PKNOX1: variants seen among roughly 807,000 people sequenced by gnomAD.
PKNOX1 encodes the protein homeobox protein PKNOX1.
PKNOX1 carries 15 observed loss-of-function variants against 51.9 expected under a neutral mutation model. The ratio of observed to expected loss-of-function variants is 0.29; its 90% CI spans 0.19 to 0.45. PKNOX1 has a LOEUF of 0.45. Among genes scored for constraint, PKNOX1 ranks in the 20% least tolerant of loss-of-function variants. The pLI is 1.00. For synonymous variants in PKNOX1, 219 were observed against 211.1 expected (o/e 1.04, Z -0.32); for missense variants, 462 against 547.5 (o/e 0.84, Z 1.56).
chr21:43,020,230 G>A (rs1212282952), intron 7 of PKNOX1, among the ~76,000 whole-genome samples: 3 of 152,222 alleles, frequency 2.0e-5, no homozygotes, highest in Admixed American at 6.5e-5. Flanking sequence ...ACTGTGCCTG[G>A]ACTAAAGTTA....
chr21:43,009,343 G>A (rs1601291218), intron 3 of PKNOX1, among the ~76,000 whole-genome samples: 1 of 152,184 alleles, frequency 6.6e-6, no homozygotes, highest in African/African-American at 2.4e-5. Flanking sequence ...TACTTGGGAG[G>A]CTGAGGCAGG....
At chr21:43,015,997 G>A (rs1979473599) in intron 5 of PKNOX1, among the ~76,000 whole-genome samples, 1 of 152,148 alleles carries the variant, frequency 6.6e-6, no homozygotes, top group Non-Finnish European at 1.5e-5. Context: ...ATCTTAAGGT[G>A]GAAGCTGGGA....
intron 1 of PKNOX1, among the ~76,000 whole-genome samples, chr21:42,981,519 C>T (rs1319905485): frequency 6.6e-6 from 1 of 152,170 alleles, no homozygotes; most frequent in Non-Finnish European, 1.5e-5. Context: ...GAGAAGGGGA[C>T]AGAGCAGCTT....
At chr21:42,995,254 A>G (rs1382647089) in intron 1 of PKNOX1, among the ~76,000 whole-genome samples, 2 of 151,992 alleles carry the variant, frequency 1.3e-5, no homozygotes, top group Admixed American at 6.6e-5. Context: ...TTCTTTATAG[A>G]GTGCCTCTCA....
chr21:43,026,588 C>A (rs892366137), intron 9 of PKNOX1, among the ~76,000 whole-genome samples: 2 of 152,140 alleles, frequency 1.3e-5, no homozygotes, highest in African/African-American at 2.4e-5. Flanking sequence ...GAAATCCTGT[C>A]TCTACTAAAA....
At chr21:43,020,006 C>T (rs1979686740) in intron 7 of PKNOX1, among the ~76,000 whole-genome samples, 1 of 147,948 alleles carries the variant, frequency 6.8e-6, no homozygotes, top group Non-Finnish European at 1.5e-5. Flanking sequence ...AAACACAGCT[C>T]ACTGAAGCAT....
chr21:42,987,404 A>AAAATATATATATAT, intron 1 of PKNOX1, among the ~76,000 whole-genome samples: 10 of 41,406 alleles, frequency 2.4e-4, no homozygotes, highest in Non-Finnish European at 3.8e-4. Flanking sequence ...AAAAAAAAAA[A>AAAATATATATATAT]ATATATATAT....
At chr21:43,002,479 C>T (rs1325522021) in intron 1 of PKNOX1, among the ~76,000 whole-genome samples, 2 of 149,006 alleles carry the variant, frequency 1.3e-5, no homozygotes, top group African/African-American at 2.5e-5. Context: ...CCTTTGACTG[C>T]ACCCCCTTAG....
chr21:42,989,970 A>G (rs1422126143), intron 1 of PKNOX1, among the ~76,000 whole-genome samples: 4 of 151,990 alleles, frequency 2.6e-5, no homozygotes, highest in Non-Finnish European at 4.4e-5. Context: ...GTGGTGGTGC[A>G]TGCCTGTGGT....
chr21:42,983,060 G>A (rs1284186825), intron 1 of PKNOX1, among the ~76,000 whole-genome samples: 3 of 152,122 alleles, frequency 2.0e-5, no homozygotes, highest in Non-Finnish European at 2.9e-5. Flanking sequence ...GCTGCCCACT[G>A]TTGCCTTTCA....
intron 7 of PKNOX1, among the ~76,000 whole-genome samples, chr21:43,019,420 CA>C (rs1979658534): frequency 6.7e-6 from 1 of 150,152 alleles, no homozygotes; most frequent in African/African-American, 2.5e-5. Flanking sequence ...AAAAAAAAAA[CA>C]CACATTTTTT....
intron 4 of PKNOX1, among the ~76,000 whole-genome samples, chr21:43,010,577 C>T (rs1367839315): frequency 2.0e-5 from 3 of 152,058 alleles, no homozygotes; most frequent in Non-Finnish European, 2.9e-5. Flanking sequence ...ATAGGCCAGG[C>T]GTGGTGGCTC....
intron 1 of PKNOX1, among the ~76,000 whole-genome samples, chr21:42,992,251 G>A (rs557279953): frequency 1.3e-5 from 2 of 152,334 alleles, no homozygotes; most frequent in African/African-American, 2.4e-5. Flanking sequence ...TTGTGAGTTC[G>A]ACCTTATCTT....
chr21:42,991,285 G>A (rs147459048), intron 1 of PKNOX1, among the ~76,000 whole-genome samples: 120 of 150,310 alleles, frequency 8.0e-4, no homozygotes, highest in East Asian at 6.8e-3. Flanking sequence ...CCAAGAGTTC[G>A]ATACCAGCCT....
chr21:42,998,387 A>G (rs1162908812), intron 1 of PKNOX1, among the ~76,000 whole-genome samples: 2 of 152,104 alleles, frequency 1.3e-5, no homozygotes, highest in Non-Finnish European at 2.9e-5. Context: ...ACAGCCAACC[A>G]TATCATTGTG....
intron 5 of PKNOX1, among the ~76,000 whole-genome samples, chr21:43,016,559 C>A (rs925945401): frequency 1.3e-5 from 2 of 152,172 alleles, no homozygotes; most frequent in South Asian, 4.1e-4. Flanking sequence ...AAGAGTCCAC[C>A]AAGCCAAGTC....
Position 43,033,333 on chromosome 21 carries a change from CT to C in PKNOX1, c.*3236del, listed in dbSNP as rs1980360930. On this transcript the variant is annotated 3_prime_UTR_variant, in exon 11 of 11. Coordinates refer to ENST00000291547, the MANE Select transcript of PKNOX1 (RefSeq NM_004571.5). ...TGCCTGTGTGAGGTAGCAGTGGGCA[CT>C]TTTCATTGAGACAAACTCCAGGGTG... The C allele has an allele frequency of 6.6e-6, 1 of 152,580 alleles. No homozygotes were observed. The highest frequency in any genetic ancestry group is 2.4e-5 in the African/African-American group (1 of 41,442). The allele number at this position is 152,580 out of a possible 1,614,324, so 9.5% of individuals were successfully genotyped here.
At chr21:43,014,311 A>G (rs545524241) in intron 5 of PKNOX1, among the ~76,000 whole-genome samples, 64 of 151,528 alleles carry the variant, frequency 4.2e-4, no homozygotes, top group Non-Finnish European at 7.4e-4. Flanking sequence ...ATGAGCTACC[A>G]CGCCTGGCCG....
intron 9 of PKNOX1, among the ~76,000 whole-genome samples, chr21:43,025,294 G>C (rs569874420): frequency 1.3e-5 from 2 of 152,306 alleles, no homozygotes; most frequent in East Asian, 3.9e-4. Flanking sequence ...CATCCTGCCT[G>C]CCTCTTTAGA....
Sources: allele counts gnomAD v4.1 joint callset (sites outside exome capture counted in the v4.1 genomes callset), GRCh38; gene constraint gnomAD v4.1.1; transcripts MANE v1.5; gene names NCBI Gene and HGNC (gene_info 2026-07-23, HGNC 2026-07-21).